SPPL2A: variants seen among roughly 807,000 people sequenced by gnomAD.
SPPL2A encodes the protein signal peptide peptidase-like 2A.
SPPL2A carries 51 observed loss-of-function variants against 63.8 expected under a neutral mutation model. That is an observed-to-expected ratio of 0.80 (90% CI 0.64 to 1.01). The LOEUF (loss-of-function observed/expected upper bound fraction) is 1.01. SPPL2A is among the 50% of genes least tolerant of loss of function. The pLI, the probability that SPPL2A is intolerant of heterozygous loss-of-function variation, is 0.00. For missense variants in SPPL2A, 553 were observed against 622.7 expected (o/e 0.89, Z 1.19); for synonymous variants, 188 against 205.8 (o/e 0.91, Z 0.74).
intron 1 of SPPL2A, among the ~76,000 whole-genome samples, chr15:50,756,143 G>A (rs567737196): frequency 4.6e-5 from 7 of 151,250 alleles, no homozygotes; most frequent in East Asian, 2.0e-4. Context: ...GGCAGATCAC[G>A]AGGTCAGGAG....
Position 50,736,180 on chromosome 15 carries a change from T to A in SPPL2A, c.853A>T (p.Met285Leu). The stretch of plus-strand genomic sequence containing the variant: ...GAGAGAAAAATAAGTCTCACTTCCA[T>A]GTTTTTGCCACGACATGCAATCCTA... ...QCTIACRGKN[M>L]EVRLIFLSGL... is the part of the protein sequence containing the mutation. The change falls in exon 8 of 15, where the codon ATG (methionine) becomes TTG (leucine). Residue 285 changes from methionine to leucine, a missense_variant. Physicochemically the swap from Met to Leu is conservative, Grantham distance 15. Transcript: ENST00000261854. The A allele has an allele frequency of 6.2e-7, 1 of 1,612,106 alleles. No homozygotes were observed.
At chr15:50,763,834 G>A (rs985832794) in intron 1 of SPPL2A, among the ~76,000 whole-genome samples, 6 of 152,142 alleles carry the variant, frequency 3.9e-5, no homozygotes, top group Non-Finnish European at 2.9e-5. Flanking sequence ...GGAGGCGGAG[G>A]TTGCAGTGAG....
chr15:50,760,133 C>G (rs2062996722), intron 1 of SPPL2A, among the ~76,000 whole-genome samples: 1 of 152,190 alleles, frequency 6.6e-6, no homozygotes, highest in African/African-American at 2.4e-5. Context: ...AATTTATTTT[C>G]TCACAGTTCT....
Position 50,703,234 on chromosome 15 carries a change from A to T in SPPL2A, c.*4566T>A, listed in dbSNP as rs1327835064. On this transcript the variant is annotated 3_prime_UTR_variant, in exon 15 of 15. Coordinates refer to ENST00000261854, the MANE Select transcript of SPPL2A (RefSeq NM_032802.4). ...TACACTGAATTCCATTCAATTGTAG[A>T]CTGAAGTACAGTTTTTGTTTTTGAA... The T allele has an allele frequency of 6.7e-6, 1 of 149,370 alleles. No individual in the cohort carries two copies. Among genetic ancestry groups the T allele is most frequent in the African/African-American group, 2.5e-5 (1 of 40,488 alleles). The allele number at this position is 149,370 out of a possible 1,614,324, so 9.3% of individuals were successfully genotyped here.
chr15:50,708,457 C>T (rs903448935), intron 14 of SPPL2A, among the ~76,000 whole-genome samples: 2 of 152,140 alleles, frequency 1.3e-5, no homozygotes, highest in African/African-American at 4.8e-5. Context: ...CCTGTAATCC[C>T]AGCACCTTGG....
In SPPL2A at chr15:50,707,886, TAAAAGACGTTAGG is replaced by T; in HGVS notation, c.1489-25_1489-13del. ...AAATGGTCCATCATCTAGGCATAAATAAAAGACGTTAGGAAATGCAAAATTTCAACTTGCCCCC... is the reference window on the plus strand; with the variant it reads ...AAATGGTCCATCATCTAGGCATAAATAAATGCAAAATTTCAACTTGCCCCC... On this transcript the variant is annotated splice_polypyrimidine_tract_variant and intron_variant, in intron 14 of 14. Coordinates refer to ENST00000261854, the MANE Select transcript of SPPL2A (RefSeq NM_032802.4). The T allele has an allele frequency of 6.6e-7, 1 of 1,504,338 alleles. No homozygotes were observed. The allele number at this position is 1,504,338 out of a possible 1,614,324, so 93.2% of individuals were successfully genotyped here. A position where few individuals can be genotyped will look rare whatever the true frequency, so the allele number is the denominator to read the frequency against.
At chr15:50,731,954 A>T (rs933096531) in intron 9 of SPPL2A, among the ~76,000 whole-genome samples, 8 of 35,882 alleles carry the variant, frequency 2.2e-4, no homozygotes, top group Admixed American at 1.1e-3. Context: ...CCAAATAAAT[A>T]AAAAAAAAAA....
At chr15:50,724,905 ATT>A (rs2062674162) in intron 12 of SPPL2A, among the ~76,000 whole-genome samples, 1 of 152,174 alleles carries the variant, frequency 6.6e-6, no homozygotes, top group African/African-American at 2.4e-5. Context: ...AATATAAACT[ATT>A]TGTTTGGCAT....
chr15:50,735,668 C>T (rs941469613), intron 8 of SPPL2A, among the ~76,000 whole-genome samples: 15 of 152,064 alleles, frequency 9.9e-5, no homozygotes, highest in African/African-American at 2.4e-4. Flanking sequence ...CTCCGCCTCC[C>T]GGGTTCAAGC....
intron 3 of SPPL2A, 139 bp from the exon 4 acceptor site, chr15:50,748,341 G>A (rs2141051731): frequency 2.3e-6 from 1 of 430,634 alleles, no homozygotes; most frequent in Middle Eastern, 6.8e-4. Context: ...AACACTCTAA[G>A]TTCTCAAAAT....
intron 1 of SPPL2A, among the ~76,000 whole-genome samples, chr15:50,758,228 G>A (rs1263757443): frequency 6.8e-6 from 1 of 147,166 alleles, no homozygotes; most frequent in East Asian, 2.0e-4. Flanking sequence ...GGCGGAGCTT[G>A]CAGTGAGCTG....
At chr15:50,747,425 T>G (rs2062866653) in intron 5 of SPPL2A, 70 bp downstream of exon 5, 1 of 1,321,750 alleles carries the variant, frequency 7.6e-7, no homozygotes, top group Non-Finnish European at 1.1e-6. Flanking sequence ...TAAATGTTGT[T>G]ATATAATTAA....
At position 50,737,100 on chromosome 15, in the gene SPPL2A, C is replaced by T. The variant is rs750265507; in HGVS notation, c.734-360G>A. Among the ~76,000 whole-genome samples, 6 of 151,858 alleles carry T rather than the reference C, an allele frequency of 4.0e-5. No homozygotes were observed. In the East Asian group the frequency reaches 5.8e-4, roughly 15 times the overall value. ...AGCCAATTTTTGTAGTTTTAGTAGA[C>T]GGGGTTTTGTCATGTTGGCCAGGCT... is the stretch of plus-strand genomic sequence containing the variant. On this transcript the variant is annotated intron_variant, in intron 6 of 14. Transcript: ENST00000261854.
chr15:50,761,184 A>AT (rs34174054), intron 1 of SPPL2A, among the ~76,000 whole-genome samples: 37,919 of 151,838 alleles, frequency 0.25, 5,710 homozygotes, highest in East Asian at 0.55. Context: ...TAATTTTTTA[A>AT]TTTTTTGTAG....
Position 50,736,694 on chromosome 15 carries a change from C to T in SPPL2A, c.780G>A (p.Leu260=). 2 of 1,610,324 alleles carry T rather than the reference C, an allele frequency of 1.2e-6. No homozygotes were observed. The highest frequency in any genetic ancestry group is 1.7e-6 in the Non-Finnish European group (2 of 1,177,086). The stretch of plus-strand genomic sequence containing the variant: ...GAATTAGTGCAGCAAGACAGTTGTA[C>T]AGACTCATTGCTGATGCTATGCAGA... ...AIFCIASAMS[L]YNCLAALIHK... Residue 260 remains leucine, a synonymous_variant, in exon 7 of 15, where the codon CTG becomes CTA. Coordinates refer to ENST00000261854, the MANE Select transcript of SPPL2A (RefSeq NM_032802.4).
rs769645604 is a variant in SPPL2A at position 50,732,598 on chromosome 15, A to C, written c.1014+5T>G. 2 of 1,544,508 alleles carry C rather than the reference A, an allele frequency of 1.3e-6. No homozygotes were observed. The highest frequency in any genetic ancestry group is 8.9e-7 in the Non-Finnish European group (1 of 1,118,946). The stretch of plus-strand genomic sequence containing the variant: ...TAACTAGCAAAGTAGTATTGTATAC[A>C]TTACCTTGAAGTTGGGCAACTTCAG... On this transcript the variant is annotated splice_donor_5th_base_variant and intron_variant, in intron 9 of 14. Coordinates refer to ENST00000261854, the MANE Select transcript of SPPL2A (RefSeq NM_032802.4).
chr15:50,716,128 G>A (rs1031768269), intron 14 of SPPL2A, among the ~76,000 whole-genome samples: 3 of 151,880 alleles, frequency 2.0e-5, no homozygotes, highest in Non-Finnish European at 4.4e-5. Context: ...GATTATGGGC[G>A]GACTTAATTT....
At chr15:50,737,530 G>A (rs1404160827) in intron 6 of SPPL2A, among the ~76,000 whole-genome samples, 1 of 152,020 alleles carries the variant, frequency 6.6e-6, no homozygotes, top group Admixed American at 6.6e-5. Flanking sequence ...TTGGCTCACC[G>A]CAACCTCCGC....
At position 50,722,147 on chromosome 15, in the gene SPPL2A, A is replaced by G; in HGVS notation, c.1304T>C (p.Ile435Thr). The change falls in exon 13 of 15, where the codon ATA (isoleucine) becomes ACA (threonine). Residue 435 changes from isoleucine to threonine, a missense_variant. By Grantham distance (89) the Ile-to-Thr change is moderately conservative. Transcript: ENST00000261854. Reference protein sequence around the residue: ...RFDVQTGSSYIYYVSSTVAYA... With the variant: ...RFDVQTGSSYTYYVSSTVAYA... The stretch of plus-strand genomic sequence containing the variant: ...ACCAACTGTAGACGAAACATAGTAT[A>G]TGTAAGAAGAACCAGTCTGAACATC... The G allele has an allele frequency of 6.3e-7, 1 of 1,592,564 alleles. No homozygotes were observed. Among genetic ancestry groups the G allele is most frequent in the Non-Finnish European group, 8.6e-7 (1 of 1,163,496 alleles).
Sources: allele counts gnomAD v4.1 joint callset (sites outside exome capture counted in the v4.1 genomes callset), GRCh38; gene constraint gnomAD v4.1.1; transcripts MANE v1.5; gene names NCBI Gene and HGNC (gene_info 2026-07-23, HGNC 2026-07-21).